Variants in PIAS2 observed in about 807,000 individuals in gnomAD.
The protein encoded by PIAS2 is E3 SUMO-protein ligase PIAS2.
A neutral mutation model predicts 69.7 loss-of-function variants in PIAS2; 19 were observed. That is an observed-to-expected ratio of 0.27 (90% CI 0.19 to 0.40). The LOEUF is 0.40. PIAS2 is among the 10% of genes least tolerant of loss of function. The pLI, the probability that PIAS2 is intolerant of heterozygous loss-of-function variation, is 1.00. For synonymous variants in PIAS2, 261 were observed against 263.2 expected, an observed-to-expected ratio of 0.99 and a Z score of 0.08; for missense variants, 624 against 757.0, an observed-to-expected ratio of 0.82 and a Z score of 2.06.
chr18:46,877,701 C>T (rs1054661688), intron 2 of PIAS2, among the ~76,000 whole-genome samples: 4 of 152,270 alleles, frequency 2.6e-5, no homozygotes, highest in African/African-American at 9.6e-5. Context: ...CGACACAGAA[C>T]CAGGGAATAA....
At chr18:46,919,942 GGAATAGAC>G (rs1409682019), upstream of PIAS2, 1 of 593,260 alleles carries the variant, frequency 1.7e-6, no homozygotes, top group Admixed American at 2.5e-5. Flanking sequence ...GAGTTTTCGG[GGAATAGAC>G]GAATAGAGTA....
In PIAS2 at chr18:46,809,446, T is replaced by C. The variant is rs1375305382; in HGVS notation, c.*2987A>G. 2 of 152,050 alleles carry C rather than the reference T, an allele frequency of 1.3e-5. No individual in the cohort carries two copies. Among genetic ancestry groups the C allele is most frequent in the African/African-American group, 4.8e-5 (2 of 41,390 alleles). The allele number at this position is 152,050 out of a possible 1,614,324, so 9.4% of individuals were successfully genotyped here. A position where few individuals can be genotyped will look rare whatever the true frequency, so the allele number is the denominator to read the frequency against. On this transcript the variant is annotated 3_prime_UTR_variant, in exon 14 of 14. Transcript: ENST00000585916. ...AAGAAAAGGCCTTCATAGTTCTAAGTGAAGAAAGATAAAAACATTTTATTT... is the reference window on the plus strand; with the variant it reads ...AAGAAAAGGCCTTCATAGTTCTAAGCGAAGAAAGATAAAAACATTTTATTT...
rs1376294323 is a variant in PIAS2, at chr18:46,836,414, G to A, written c.1145C>T (p.Thr382Ile). ...TTTGTCACACACAGGACAAATCCAG[G>A]TGGGCTTTTTCTCATTCATTTGTAG... is the stretch of plus-strand genomic sequence containing the variant. Reference protein sequence around the residue: ...LYLQMNEKKPTWICPVCDKKA... With the variant: ...LYLQMNEKKPIWICPVCDKKA... The change falls in exon 9 of 14, where the codon ACC (threonine) becomes ATC (isoleucine). Residue 382 changes from threonine to isoleucine, a missense_variant. Thr to Ile is a moderately conservative substitution (Grantham distance 89). Around this residue, in one of 3 missense-constraint regions of PIAS2, gnomAD observed 44 missense variants for 90.9 expected, o/e 0.48. Coordinates refer to ENST00000585916, the MANE Select transcript of PIAS2 (RefSeq NM_004671.5). 6.2e-7 allele frequency: 1 copy of A among 1,613,998 alleles called. No individual in the cohort carries two copies.
intron 6 of PIAS2, 90 bp downstream of exon 6, chr18:46,846,617 A>G: frequency 8.0e-7 from 1 of 1,257,372 alleles, no homozygotes; most frequent in Non-Finnish European, 1.1e-6. Flanking sequence ...CAAAAACAGA[A>G]AGAGCTGAAG....
intron 1 of PIAS2, among the ~76,000 whole-genome samples, chr18:46,903,265 A>G (rs2056150378): frequency 6.6e-6 from 1 of 152,228 alleles, no homozygotes. Context: ...GGAAAAAAAG[A>G]CAATCAACAG....
intron 8 of PIAS2, among the ~76,000 whole-genome samples, chr18:46,837,655 A>G (rs996668158): frequency 3.9e-5 from 6 of 152,166 alleles, no homozygotes; most frequent in African/African-American, 1.4e-4. Flanking sequence ...CTTTTGATTA[A>G]CTTTAGTGCT....
chr18:46,890,564 AT>A lies in PIAS2; in HGVS notation c.499+15del. 6.7e-7 allele frequency: 1 copy of A among 1,502,416 alleles called. No homozygotes were observed. The allele number at this position is 1,502,416 out of a possible 1,614,324, so 93.1% of individuals were successfully genotyped here. A position where few individuals can be genotyped will look rare whatever the true frequency, so the allele number is the denominator to read the frequency against. The stretch of plus-strand genomic sequence containing the variant: ...TACTATCTTGTTCAGAAGAAACTGA[AT>A]TCTCAAACACTTACCTAAACTCGTG... On this transcript the variant is annotated intron_variant, in intron 2 of 13. Coordinates refer to ENST00000585916, the MANE Select transcript of PIAS2 (RefSeq NM_004671.5).
chr18:46,834,522 A>G (rs1052236799), intron 9 of PIAS2, among the ~76,000 whole-genome samples: 12 of 152,370 alleles, frequency 7.9e-5, no homozygotes, highest in Admixed American at 1.3e-4. Flanking sequence ...AATTAAAGAA[A>G]TATCTGATAA....
chr18:46,828,262 C>T (rs1229347968), intron 10 of PIAS2, 132 bp from the exon 11 acceptor site: 1 of 704,984 alleles, frequency 1.4e-6, no homozygotes, highest in Non-Finnish European at 2.1e-6. Context: ...TACTCCAACC[C>T]ATGGACAAAT....
At chr18:46,875,465 C>G (rs1346151010) in intron 2 of PIAS2, among the ~76,000 whole-genome samples, 1 of 152,204 alleles carries the variant, frequency 6.6e-6, no homozygotes, top group East Asian at 1.9e-4. Context: ...AAGAACCCTC[C>G]ATATTCGAAT....
chr18:46,898,994 CAAA>C (rs80167037), intron 1 of PIAS2, among the ~76,000 whole-genome samples: 1 of 80,758 alleles, frequency 1.2e-5, no homozygotes, highest in African/African-American at 4.6e-5. Flanking sequence ...GACTCCATCT[CAAA>C]AAAAAAAAAA....
rs566576373 is a variant in PIAS2 at position 46,812,341 on chromosome 18, T to TAAA, written c.*89_*91dup. 1.1e-4 allele frequency: 61 copies of TAAA among 575,994 alleles called. No homozygotes were observed. The highest frequency in any genetic ancestry group is 5.0e-4 in the Middle Eastern group (1 of 2,004). 35.7% of individuals were successfully genotyped at this position (575,994 alleles called of 1,614,324 possible). On this transcript the variant is annotated 3_prime_UTR_variant, in exon 14 of 14. Transcript: ENST00000585916. Reference sequence around the variant, plus strand: ...TGACTTTCAATAAATACCAAATTATTAAAAAAAAAAAAAAAAGAACGTTTC... The same window carrying TAAA: ...TGACTTTCAATAAATACCAAATTATTAAAAAAAAAAAAAAAAAAAGAACGTTTC...
intron 1 of PIAS2, among the ~76,000 whole-genome samples, chr18:46,916,210 CACT>C (rs1468617686): frequency 1.3e-5 from 2 of 152,146 alleles, no homozygotes; most frequent in Non-Finnish European, 2.9e-5. Context: ...TGCTCACGTC[CACT>C]AAGCAGGTAA....
intron 8 of PIAS2, among the ~76,000 whole-genome samples, chr18:46,839,010 C>G (rs1192018827): frequency 6.6e-6 from 1 of 152,142 alleles, no homozygotes; most frequent in African/African-American, 2.4e-5. Flanking sequence ...TATATCCTTT[C>G]AATTATAAAA....
intron 6 of PIAS2, among the ~76,000 whole-genome samples, chr18:46,846,180 T>C (rs1318514276): frequency 4.6e-5 from 7 of 152,092 alleles, no homozygotes; most frequent in Non-Finnish European, 7.4e-5. Flanking sequence ...AGACCAAAAA[T>C]CAACAGAAAG....
chr18:46,869,887 C>A (rs1365615339), intron 2 of PIAS2, among the ~76,000 whole-genome samples: 3 of 152,084 alleles, frequency 2.0e-5, no homozygotes, highest in Non-Finnish European at 4.4e-5. Flanking sequence ...GCAGCAGGGA[C>A]CCATCCTTCT....
intron 2 of PIAS2, among the ~76,000 whole-genome samples, chr18:46,876,376 T>C (rs549581455): frequency 6.6e-6 from 1 of 152,286 alleles, no homozygotes; most frequent in Admixed American, 6.5e-5. Context: ...TTCTGGTGGT[T>C]AACTGTAAAT....
At chr18:46,830,723 T>G (rs995334661) in intron 9 of PIAS2, among the ~76,000 whole-genome samples, 1 of 152,198 alleles carries the variant, frequency 6.6e-6, no homozygotes, top group Non-Finnish European at 1.5e-5. Context: ...CTATGTCTAT[T>G]AAATAAGTTG....
chr18:46,863,159 T>C (rs973115761), intron 3 of PIAS2, among the ~76,000 whole-genome samples: 1 of 152,212 alleles, frequency 6.6e-6, no homozygotes, highest in Non-Finnish European at 1.5e-5. Flanking sequence ...TCAGGATGAC[T>C]ATACAGCTCA....
Sources: allele counts gnomAD v4.1 joint callset (sites outside exome capture counted in the v4.1 genomes callset), GRCh38; gene constraint gnomAD v4.1.1; regional missense constraint gnomAD v4.1.1; transcripts MANE v1.5; gene names NCBI Gene and HGNC (gene_info 2026-07-23, HGNC 2026-07-21).